The following FCSK variants were observed in gnomAD, a reference collection of about 807,000 sequenced individuals.
FCSK encodes the protein L-fucose kinase.
FCSK carries 123 observed loss-of-function variants against 122.5 expected under a neutral mutation model. That is an observed-to-expected ratio of 1.00 (90% CI 0.87 to 1.17). FCSK has a LOEUF of 1.17. Ranked by LOEUF, FCSK falls within the 50% of genes most tolerant of loss-of-function variation. The pLI is 0.00. For synonymous variants in FCSK, 620 were observed against 625.5 expected, an observed-to-expected ratio of 0.99 and a Z score of 0.13; for missense variants, 1,366 against 1,450.4, an observed-to-expected ratio of 0.94 and a Z score of 0.95.
intron 10 of FCSK, 43 bp downstream of exon 10, chr16:70,469,366 G>C (rs1252012865): frequency 1.3e-6 from 2 of 1,528,588 alleles, no homozygotes; most frequent in South Asian, 2.5e-5. Context: ...GAGACCATGG[G>C]AGTGAGGACC....
intron 20 of FCSK, chr16:70,476,077 G>C (rs527426759): frequency 4.6e-4 from 89 of 191,626 alleles, no homozygotes; most frequent in Non-Finnish European, 4.5e-4. Context: ...ATCTCAGCTC[G>C]CTGCAAGCTC....
intron 1 of FCSK, among the ~76,000 whole-genome samples, chr16:70,456,405 T>C (rs952754111): frequency 3.9e-5 from 6 of 152,232 alleles, no homozygotes; most frequent in African/African-American, 1.4e-4. Flanking sequence ...GCACTCCATA[T>C]GTATTAGCTA....
chr16:70,463,556 T>C (rs916411274), intron 2 of FCSK, 67 bp from the exon 3 acceptor site: 1 of 1,583,594 alleles, frequency 6.3e-7, no homozygotes, highest in Non-Finnish European at 8.6e-7. Flanking sequence ...ATCAGTAGGC[T>C]TGCTTACGTG....
At chr16:70,465,443 G>A (rs891020683) in intron 4 of FCSK, among the ~76,000 whole-genome samples, 8 of 151,642 alleles carry the variant, frequency 5.3e-5, no homozygotes, top group Admixed American at 2.0e-4. Flanking sequence ...AGGATTGCTT[G>A]AGCCCAGGAG....
chr16:70,461,021 T>C (rs1312213565), intron 1 of FCSK, among the ~76,000 whole-genome samples: 12 of 152,196 alleles, frequency 7.9e-5, no homozygotes, highest in Admixed American at 5.2e-4. Context: ...CTAGCTGGAA[T>C]TTCCCCTCTG....
Position 70,463,680 on chromosome 16 carries a change from T to A in FCSK, c.140T>A (p.Val47Glu). 1 of 1,613,158 alleles carries A rather than the reference T, an allele frequency of 6.2e-7. No individual in the cohort carries two copies. Among genetic ancestry groups the A allele is most frequent in the Non-Finnish European group, 8.5e-7 (1 of 1,180,002 alleles). Reference protein sequence around the residue: ...QIPAGTLLLAVEDPEKRVGSG... With the variant: ...QIPAGTLLLAEEDPEKRVGSG... ...CCTGCTGGGACGCTGTTACTGGCCG[T>A]GGAGGACCCAGAGAAGCGTGTGGGC... Residue 47 changes from valine (V) to glutamate (E), a missense_variant, in exon 3 of 24, where the codon GTG (valine) becomes GAG (glutamate). Coordinates refer to ENST00000288078, the MANE Select transcript of FCSK (RefSeq NM_145059.3).
At chr16:70,472,877 C>G in intron 14 of FCSK, 106 bp from the exon 15 acceptor site, 1 of 1,371,014 alleles carries the variant, frequency 7.3e-7, no homozygotes. Flanking sequence ...TATGCTACCT[C>G]GGAGGAGTCT....
At chr16:70,457,657 C>G (rs1031944123) in intron 1 of FCSK, among the ~76,000 whole-genome samples, 2 of 151,956 alleles carry the variant, frequency 1.3e-5, no homozygotes, top group African/African-American at 4.8e-5. Context: ...TTACTGCAAC[C>G]TCTGCCCCCA....
intron 13 of FCSK, among the ~76,000 whole-genome samples, chr16:70,471,707 T>C (rs1321583831): frequency 1.3e-5 from 2 of 152,050 alleles, no homozygotes; most frequent in Non-Finnish European, 2.9e-5. Flanking sequence ...CAAGCGATTC[T>C]CCTGCCTCAG....
At chr16:70,461,689 G>T (rs545171594) in intron 1 of FCSK, among the ~76,000 whole-genome samples, 12 of 152,304 alleles carry the variant, frequency 7.9e-5, no homozygotes, top group Admixed American at 6.5e-4. Flanking sequence ...AGGAGCCTGG[G>T]GGGTGGGGTT....
Position 70,473,461 on chromosome 16 carries a change from A to T in FCSK, c.1777+108A>T. On this transcript the variant is annotated intron_variant, in intron 15 of 23. Transcript: ENST00000288078. This position sits in a 1 kb window ranked among gnomAD's most constrained non-coding sequence, Gnocchi z 4.9. ...CTAGGGGACCATGAGGTGCTCAAGC[A>T]GGGAAGGGGCATGCTGGAGTTTACT... is the stretch of plus-strand genomic sequence containing the variant. The T allele has an allele frequency of 7.8e-7, 1 of 1,284,720 alleles. No homozygotes were observed. Among genetic ancestry groups the T allele is most frequent in the Non-Finnish European group, 1.0e-6 (1 of 967,996 alleles). The allele number at this position is 1,284,720 out of a possible 1,614,324, so 79.6% of individuals were successfully genotyped here. A position where few individuals can be genotyped will look rare whatever the true frequency, so the allele number is the denominator to read the frequency against.
Position 70,478,675 on chromosome 16 carries a change from C to G in FCSK, c.2929+25C>G, listed in dbSNP as rs953055709. The G allele has an allele frequency of 2.5e-6, 4 of 1,592,406 alleles. No individual in the cohort carries two copies. The African/African-American group carries it at 5.4e-5, about 21-fold the overall frequency. On this transcript the variant is annotated intron_variant, in intron 22 of 23. Coordinates refer to ENST00000288078, the MANE Select transcript of FCSK (RefSeq NM_145059.3). The stretch of plus-strand genomic sequence containing the variant: ...GGTGAGGGGCTTCCTCTGGGGGGGT[C>G]AGGGCACTGGGAGCGAGTATTCTGT...
intron 8 of FCSK, among the ~76,000 whole-genome samples, chr16:70,468,531 C>T (rs1471755763): frequency 6.6e-6 from 1 of 152,166 alleles, no homozygotes; most frequent in African/African-American, 2.4e-5. Context: ...GGGAGGAGGC[C>T]TAGAGCCAGA....
Position 70,463,183 on chromosome 16 carries a change from T to C in FCSK, c.-8T>C, listed in dbSNP as rs8044956. 6.2e-7 allele frequency: 1 copy of C among 1,613,462 alleles called. No homozygotes were observed. Among genetic ancestry groups the C allele is most frequent in the Non-Finnish European group, 8.5e-7 (1 of 1,179,584 alleles). On this transcript the variant is annotated 5_prime_UTR_variant, in exon 2 of 24. Coordinates refer to ENST00000288078, the MANE Select transcript of FCSK (RefSeq NM_145059.3). ...TGCTGTCTCAGGAAGCCCCTCCGCT[T>C]GGCCAGAATGGAGCAGCCGAAGGGA...
rs896866760 is a variant in FCSK, at chr16:70,477,183, T to A, written c.2642-1089T>A. On this transcript the variant is annotated intron_variant, in intron 20 of 23. Transcript: ENST00000288078. ...GAAGCAACTCAAGTTTTGTTATTTTTAATTTTTTTTTATTTTTGAGATGGA... is the reference window on the plus strand; with the variant it reads ...GAAGCAACTCAAGTTTTGTTATTTTAAATTTTTTTTTATTTTTGAGATGGA... Among the ~76,000 whole-genome samples the A allele has an allele frequency of 2.6e-5, 4 of 152,334 alleles. No individual in the cohort carries two copies. In the South Asian group the frequency reaches 6.2e-4, roughly 24 times the overall value.
chr16:70,464,955 G>A, intron 3 of FCSK, 171 bp from the exon 4 acceptor site: 2 of 1,438,294 alleles, frequency 1.4e-6, no homozygotes, highest in Non-Finnish European at 1.9e-6. Context: ...CCCTTATCCA[G>A]GAGGGACCAG....
chr16:70,476,558 C>T (rs1472698361), intron 20 of FCSK, among the ~76,000 whole-genome samples: 1 of 152,068 alleles, frequency 6.6e-6, no homozygotes, highest in East Asian at 1.9e-4. Flanking sequence ...CTCCTGGCCA[C>T]CGAGCCCCCT....
intron 18 of FCSK, 47 bp from the exon 19 acceptor site, chr16:70,475,303 T>C (rs2048769549): frequency 6.2e-7 from 1 of 1,600,182 alleles, no homozygotes; most frequent in South Asian, 1.1e-5. Context: ...GGTGCCTGCG[T>C]CTGCCCATCG....
rs770031280 is a variant in FCSK at position 70,467,958 on chromosome 16, G to A, written c.655G>A (p.Val219Met). Reference sequence around the variant, plus strand: ...GCGGTGTGTCAGGCCTGATGGGCGGGTGCCACTGGTATGGCTGCTGGGCCC... The same window carrying A: ...GCGGTGTGTCAGGCCTGATGGGCGGATGCCACTGGTATGGCTGCTGGGCCC... ...IQRCVRPDGR[V>M]PLVSGVVFFS... is the part of the protein sequence containing the mutation. Residue 219 changes from valine (V) to methionine (M), a missense_variant, in exon 8 of 24, where the codon GTG becomes ATG. By Grantham distance (21) the Val-to-Met change is conservative (BLOSUM62 1). Coordinates refer to ENST00000288078, the MANE Select transcript of FCSK (RefSeq NM_145059.3). The A allele has an allele frequency of 4.2e-5, 67 of 1,613,782 alleles. No homozygotes were observed. In the East Asian group the frequency reaches 5.1e-4, roughly 12 times the overall value.
Sources: gnomAD v4.1 joint callset for allele counts (sites outside exome capture counted in the v4.1 genomes callset) on GRCh38, gnomAD v4.1.1 for gene constraint, Gnocchi (gnomAD v3.1) non-coding constraint, MANE v1.5 for transcripts, NCBI Gene and HGNC (gene_info 2026-07-23, HGNC 2026-07-21) for gene names.